DENND5A: variants seen among roughly 807,000 people sequenced by gnomAD.
DENND5A encodes the protein DENN domain-containing protein 5A.
Under a neutral mutation model 140.3 loss-of-function variants are expected in DENND5A, and 64 were observed. The observed-to-expected ratio is 0.46, with a 90% confidence interval of 0.37 to 0.56. The LOEUF (loss-of-function observed/expected upper bound fraction) is 0.56, where lower values mean the gene tolerates loss of function less well. DENND5A is among the 20% of genes least tolerant of loss of function. DENND5A has a pLI of 0.00. For synonymous variants in DENND5A, 605 were observed against 607.7 expected, an observed-to-expected ratio of 1.00 and a Z score of 0.07; for missense variants, 1,292 against 1,593.8, an observed-to-expected ratio of 0.81 and a Z score of 3.22.
intron 1 of DENND5A, among the ~76,000 whole-genome samples, chr11:9,238,840 T>TC (rs1157769814): frequency 1.3e-5 from 2 of 151,582 alleles, no homozygotes; most frequent in African/African-American, 2.4e-5. Context: ...TTTCTTTTTT[T>TC]TTTTTTTGAC....
At chr11:9,145,432 T>C (rs1847395166) in intron 17 of DENND5A, 2 of 596,232 alleles carry the variant, frequency 3.4e-6, no homozygotes, top group Admixed American at 6.0e-5. Context: ...ACACTATGCA[T>C]GGAGAGATGT....
At chr11:9,228,476 C>T (rs980900148) in intron 1 of DENND5A, among the ~76,000 whole-genome samples, 26 of 152,226 alleles carry the variant, frequency 1.7e-4, no homozygotes, top group Middle Eastern at 3.4e-3. Context: ...AGGCCAGGTG[C>T]GGTGGCTCAT....
At chr11:9,162,323 C>T (rs937444393) in intron 11 of DENND5A, among the ~76,000 whole-genome samples, 1 of 148,818 alleles carries the variant, frequency 6.7e-6, no homozygotes, top group Non-Finnish European at 1.5e-5. Flanking sequence ...ACTGCAACCT[C>T]CGCCTCCCCG....
intron 1 of DENND5A, among the ~76,000 whole-genome samples, chr11:9,217,242 C>T (rs919765321): frequency 7.9e-5 from 12 of 152,124 alleles, no homozygotes; most frequent in East Asian, 1.9e-4. Context: ...TGGCCAGGCG[C>T]GATGGCTCAT....
chr11:9,161,432 T>A (rs1033729841), intron 11 of DENND5A, among the ~76,000 whole-genome samples: 2 of 152,250 alleles, frequency 1.3e-5, no homozygotes, highest in Non-Finnish European at 2.9e-5. Flanking sequence ...TCACTCTGTA[T>A]TCAGTTTTTG....
chr11:9,157,363 C>T (rs141673577), intron 12 of DENND5A, among the ~76,000 whole-genome samples: 2 of 152,306 alleles, frequency 1.3e-5, no homozygotes, highest in African/African-American at 4.8e-5. Context: ...CAGGGGCACA[C>T]ATGCAAGTTT....
intron 1 of DENND5A, among the ~76,000 whole-genome samples, chr11:9,208,712 C>T (rs1849772943): frequency 6.6e-6 from 1 of 152,184 alleles, no homozygotes; most frequent in Non-Finnish European, 1.5e-5. Flanking sequence ...TTATTAAAAG[C>T]AAGTGCCACA....
intron 1 of DENND5A, among the ~76,000 whole-genome samples, chr11:9,224,856 CAA>C (rs1003433174): frequency 3.6e-4 from 34 of 93,944 alleles, no homozygotes; most frequent in Admixed American, 4.8e-4. Context: ...AGACTCCATC[CAA>C]AAAAAAAAAA....
At chr11:9,153,174 G>A (rs768340301) in intron 12 of DENND5A, among the ~76,000 whole-genome samples, 66 of 151,006 alleles carry the variant, frequency 4.4e-4, no homozygotes, top group South Asian at 1.0e-3. Flanking sequence ...AAAATTAGCC[G>A]GGAGTGGTGG....
chr11:9,195,756 A>G (rs939786870), intron 4 of DENND5A, among the ~76,000 whole-genome samples: 2 of 152,248 alleles, frequency 1.3e-5, no homozygotes, highest in African/African-American at 4.8e-5. Flanking sequence ...AAAGAAGAGC[A>G]TAACCTGTAG....
intron 1 of DENND5A, among the ~76,000 whole-genome samples, chr11:9,260,764 A>C (rs1221307611): frequency 6.6e-6 from 1 of 152,248 alleles, no homozygotes; most frequent in African/African-American, 2.4e-5. Flanking sequence ...TGACAGGAAG[A>C]GATTCCTACA....
At chr11:9,194,531 T>C (rs1426900078) in intron 4 of DENND5A, among the ~76,000 whole-genome samples, 5 of 149,670 alleles carry the variant, frequency 3.3e-5, no homozygotes, top group Admixed American at 2.7e-4. Flanking sequence ...ACTGCACAGC[T>C]GCACACGCCA....
chr11:9,140,372 C>A, intron 22 of DENND5A: 1 of 443,822 alleles, frequency 2.3e-6, no homozygotes, highest in Non-Finnish European at 4.2e-6. Flanking sequence ...AGATCTGAAC[C>A]TAGTGAATGC....
At chr11:9,214,608 G>A (rs1850013338) in intron 1 of DENND5A, among the ~76,000 whole-genome samples, 1 of 152,140 alleles carries the variant, frequency 6.6e-6, no homozygotes, top group African/African-American at 2.4e-5. Context: ...GCTGTAACTT[G>A]GCCCACATCA....
At chr11:9,234,518 C>T (rs921339345) in intron 1 of DENND5A, among the ~76,000 whole-genome samples, 2 of 152,078 alleles carry the variant, frequency 1.3e-5, no homozygotes, top group African/African-American at 4.8e-5. Context: ...TGGGAACAGG[C>T]CCCCCAAAAT....
intron 19 of DENND5A, among the ~76,000 whole-genome samples, 198 bp downstream of exon 19, chr11:9,143,899 C>A (rs1178767831): frequency 6.6e-6 from 1 of 152,204 alleles, no homozygotes; most frequent in Non-Finnish European, 1.5e-5. Context: ...CTCCTGCCAG[C>A]CCTCTAAGGA....
chr11:9,146,609 GA>G (rs1475123935), intron 16 of DENND5A, among the ~76,000 whole-genome samples: 3 of 152,238 alleles, frequency 2.0e-5, no homozygotes, highest in Non-Finnish European at 4.4e-5. Flanking sequence ...TGCTACCTCA[GA>G]AAAGAGCTCT....
At chr11:9,243,090 A>AT in intron 1 of DENND5A, among the ~76,000 whole-genome samples, 1 of 142,646 alleles carries the variant, frequency 7.0e-6, no homozygotes, top group Non-Finnish European at 1.5e-5. Flanking sequence ...TCTGTCTCAA[A>AT]AAAAAAAAAA....
intron 1 of DENND5A, among the ~76,000 whole-genome samples, chr11:9,256,784 A>G (rs1851964225): frequency 6.6e-6 from 1 of 152,212 alleles, no homozygotes; most frequent in African/African-American, 2.4e-5. Flanking sequence ...ACAGGTTTTC[A>G]GGGGAGAGTG....
Sources: gnomAD v4.1 joint callset for allele counts (sites outside exome capture counted in the v4.1 genomes callset) on GRCh38, gnomAD v4.1.1 for gene constraint, MANE v1.5 for transcripts, NCBI Gene and HGNC (gene_info 2026-07-23, HGNC 2026-07-21) for gene names.